Variants in ZNF587 observed in about 807,000 individuals in gnomAD.
ZNF587 encodes the protein zinc finger protein zfp6.
A neutral mutation model predicts 7.5 loss-of-function variants in ZNF587; 8 were observed. The observed-to-expected ratio is 1.06, with a 90% confidence interval of 0.62 to 1.92. The LOEUF is 1.92. ZNF587 is among the 40% of genes most tolerant of loss of function. The probability of loss-of-function intolerance (pLI) is 0.00; values close to 1 mark genes in which losing one functional copy is unlikely to be tolerated. For missense variants in ZNF587, 468 were observed against 692.8 expected (o/e 0.68, Z 3.64); for synonymous variants, 145 against 237.8 (o/e 0.61, Z 3.59).
chr19:57,855,729 T>C (rs998520134), intron 1 of ZNF587, among the ~76,000 whole-genome samples: 9 of 151,894 alleles, frequency 5.9e-5, no homozygotes, highest in Middle Eastern at 3.2e-3. Flanking sequence ...GCCCGGCTAA[T>C]TTTTTGTATT....
At chr19:57,851,009 C>T (rs1239860657) in intron 1 of ZNF587, 2 of 153,198 alleles carry the variant, frequency 1.3e-5, no homozygotes, top group African/African-American at 4.8e-5. Flanking sequence ...GTGTGATCTC[C>T]CTGAGCAACC....
chr19:57,864,491 A>C lies in ZNF587; in HGVS notation c.*4351A>C, dbSNP rs530320387. 1.3e-5 allele frequency: 2 copies of C among 152,214 alleles called. No homozygotes were observed. The highest frequency in any genetic ancestry group is 1.3e-4 in the Admixed American group (2 of 15,278). The allele number at this position is 152,214 out of a possible 1,614,324, so 9.4% of individuals were successfully genotyped here. A position where few individuals can be genotyped will look rare whatever the true frequency, so the allele number is the denominator to read the frequency against. On this transcript the variant is annotated 3_prime_UTR_variant, in exon 3 of 3. Coordinates refer to ENST00000339656, the MANE Select transcript of ZNF587 (RefSeq NM_032828.4). ...GGCACCTAAAGGCATGGCACTTGAG[A>C]AATGTGAATAAGATTGTAAGTTACA...
intron 1 of ZNF587, among the ~76,000 whole-genome samples, chr19:57,853,102 C>T (rs1299460802): frequency 6.6e-6 from 1 of 152,082 alleles, no homozygotes; most frequent in Non-Finnish European, 1.5e-5. Context: ...ATTCGCTGGC[C>T]TCTGCCTCCC....
rs201916730 is a variant in ZNF587 at position 57,859,460 on chromosome 19, A to C, written c.1048A>C (p.Arg350=). Residue 350 remains arginine, a synonymous_variant, in exon 3 of 3, where the codon AGA becomes CGA. Transcript: ENST00000339656. ...IQHQQGHTGE[R]AYHCGECGKS... is the part of the protein sequence containing the mutation. ...ACATCAGCAAGGTCACACTGGAGAG[A>C]GAGCTTATCACTGTGGGGAATGTGG... 6.2e-6 allele frequency: 10 copies of C among 1,612,416 alleles called. No homozygotes were observed. The highest frequency in any genetic ancestry group is 4.5e-5 in the East Asian group (2 of 44,878).
chr19:57,858,452 C>T, intron 2 of ZNF587, 124 bp from the exon 3 acceptor site: 4 of 1,470,200 alleles, frequency 2.7e-6, no homozygotes, highest in Non-Finnish European at 2.7e-6. Context: ...AACTTGAAGC[C>T]AACATTGTGT....
chr19:57,850,954 C>T (rs1333799503), intron 1 of ZNF587: 2 of 161,424 alleles, frequency 1.2e-5, no homozygotes, highest in Admixed American at 6.4e-5. Flanking sequence ...CTGCGGGTTT[C>T]AGGAGGAGCC....
intron 2 of ZNF587, among the ~76,000 whole-genome samples, chr19:57,856,512 G>A (rs552258543): frequency 5.3e-5 from 8 of 151,272 alleles, no homozygotes; most frequent in South Asian, 2.1e-4. Flanking sequence ...GGTTCATGCC[G>A]TTCTCCTGCC....
intron 1 of ZNF587, among the ~76,000 whole-genome samples, chr19:57,855,490 A>G (rs2071340662): frequency 6.6e-6 from 1 of 151,790 alleles, no homozygotes; most frequent in African/African-American, 2.4e-5. Flanking sequence ...AGGTTGTCTG[A>G]TGGACTCAGG....
intron 1 of ZNF587, among the ~76,000 whole-genome samples, chr19:57,855,673 G>A (rs1291467020): frequency 3.3e-5 from 5 of 150,546 alleles, no homozygotes; most frequent in South Asian, 2.1e-4. Flanking sequence ...GCCATTCTCC[G>A]GCCTCAGCCT....
rs552180246 is a variant in ZNF587 at position 57,864,579 on chromosome 19, A to G, written c.*4439A>G. On this transcript the variant is annotated 3_prime_UTR_variant, in exon 3 of 3. Coordinates refer to ENST00000339656, the MANE Select transcript of ZNF587 (RefSeq NM_032828.4). Reference sequence around the variant, plus strand: ...CCTAAATGTCACCTTGTATTACAGCATGTTATATAAGCACATACAGGCACA... The same window carrying G: ...CCTAAATGTCACCTTGTATTACAGCGTGTTATATAAGCACATACAGGCACA... 6.6e-6 allele frequency: 1 copy of G among 152,296 alleles called. No individual in the cohort carries two copies. The highest frequency in any genetic ancestry group is 1.9e-4 in the East Asian group (1 of 5,188). The allele number at this position is 152,296 out of a possible 1,614,324, so 9.4% of individuals were successfully genotyped here. A position where few individuals can be genotyped will look rare whatever the true frequency, so the allele number is the denominator to read the frequency against.
Position 57,859,693 on chromosome 19 carries a change from G to C in ZNF587, c.1281G>C (p.Gln427His), listed in dbSNP as rs534981021. The C allele has an allele frequency of 1.5e-5, 25 of 1,613,870 alleles. No homozygotes were observed. In the Admixed American group the frequency reaches 3.2e-4, roughly 20 times the overall value. ...FRYRSHLTEHQRLHTGERPYN... is the reference protein window; with the variant it reads ...FRYRSHLTEHHRLHTGERPYN... Reference sequence around the variant, plus strand: ...ACAGATCCCACCTCACTGAACACCAGAGACTTCACACTGGGGAAAGACCTT... The same window carrying C: ...ACAGATCCCACCTCACTGAACACCACAGACTTCACACTGGGGAAAGACCTT... The change falls in exon 3 of 3, where the codon CAG (glutamine) becomes CAC (histidine). Residue 427 changes from glutamine (Q) to histidine (H), a missense_variant. Around this residue, in one of 5 missense-constraint regions of ZNF587, gnomAD observed 310 missense variants for 325.6 expected, o/e 0.95. Transcript: ENST00000339656.
At chr19:57,855,944 A>G in intron 1 of ZNF587, 160 bp from the exon 2 acceptor site, 1 of 1,272,384 alleles carries the variant, frequency 7.9e-7, no homozygotes, top group Non-Finnish European at 1.1e-6. Context: ...ATGGCATTTG[A>G]CCAGCAGGCC....
In ZNF587 at chr19:57,860,330, GC is replaced by G; in HGVS notation, c.*191del. 1 of 1,126,658 alleles carries G rather than the reference GC, an allele frequency of 8.9e-7. No individual in the cohort carries two copies. The highest frequency in any genetic ancestry group is 1.3e-6 in the Non-Finnish European group (1 of 794,216). 69.8% of individuals were successfully genotyped at this position (1,126,658 alleles called of 1,614,324 possible). A position where few individuals can be genotyped will look rare whatever the true frequency, so the allele number is the denominator to read the frequency against. ...GTCACCCAGGCTGGAGTGCAGTGGT[GC>G]AGTCTTGGCTCGCTGCAACTTGGGC... is the stretch of plus-strand genomic sequence containing the variant. On this transcript the variant is annotated 3_prime_UTR_variant, in exon 3 of 3. Coordinates refer to ENST00000339656, the MANE Select transcript of ZNF587 (RefSeq NM_032828.4).
Position 57,862,075 on chromosome 19 carries a change from AAT to A in ZNF587, c.*1937_*1938del, listed in dbSNP as rs1372382108. ...AGGTGTCAGCCACTGTACCTGGCTG[AAT>A]ACTTGGTTTTCAGTACCACAAGAAC... On this transcript the variant is annotated 3_prime_UTR_variant, in exon 3 of 3. Transcript: ENST00000339656. 1 of 152,120 alleles carries A rather than the reference AAT, an allele frequency of 6.6e-6. No individual in the cohort carries two copies. The highest frequency in any genetic ancestry group is 1.5e-5 in the Non-Finnish European group (1 of 68,016). 9.4% of individuals were successfully genotyped at this position (152,120 alleles called of 1,614,324 possible).
Position 57,850,000 on chromosome 19 carries a change from C to T in ZNF587, c.-39C>T, listed in dbSNP as rs754205261. On this transcript the variant is annotated 5_prime_UTR_variant, in exon 1 of 3. Coordinates refer to ENST00000339656, the MANE Select transcript of ZNF587 (RefSeq NM_032828.4). ...AGGCGGCTCTGCAGCCCCGTGACGG[C>T]GACCACTGCTCCCGGGCCGTGCTTC... 6.8e-6 allele frequency: 11 copies of T among 1,614,124 alleles called. No homozygotes were observed. Among genetic ancestry groups the T allele is most frequent in the South Asian group, 2.2e-5 (2 of 91,078 alleles).
chr19:57,856,687 C>T lies in ZNF587; in HGVS notation c.163+454C>T, dbSNP rs558616557. On this transcript the variant is annotated intron_variant, in intron 2 of 2. Coordinates refer to ENST00000339656, the MANE Select transcript of ZNF587 (RefSeq NM_032828.4). ...CCTCCCAAAGTGCTGGGATTATAGGCGTGAGCCACCACGCCCAGCCACCTT... is the reference window on the plus strand; with the variant it reads ...CCTCCCAAAGTGCTGGGATTATAGGTGTGAGCCACCACGCCCAGCCACCTT... Among the ~76,000 whole-genome samples, 11 of 151,342 alleles carry T rather than the reference C, an allele frequency of 7.3e-5. No individual in the cohort carries two copies. In the East Asian group the frequency reaches 1.2e-3, roughly 16 times the overall value.
In ZNF587 at chr19:57,859,546, G is replaced by A; in HGVS notation, c.1134G>A (p.Arg378=). The change falls in exon 3 of 3, where the codon AGG becomes AGA. Residue 378 remains arginine, a synonymous_variant. Coordinates refer to ENST00000339656, the MANE Select transcript of ZNF587 (RefSeq NM_032828.4). Reference sequence around the variant, plus strand: ...ATCAGCGTGTTCACACTGGAGAAAGGCCTTACAAGTGTGGAGAATGTGGGA... The same window carrying A: ...ATCAGCGTGTTCACACTGGAGAAAGACCTTACAAGTGTGGAGAATGTGGGA... ...INHQRVHTGE[R]PYKCGECGKS... 1 of 1,613,906 alleles carries A rather than the reference G, an allele frequency of 6.2e-7. No homozygotes were observed. The highest frequency in any genetic ancestry group is 8.5e-7 in the Non-Finnish European group (1 of 1,179,956).
rs1310038001 is a variant in ZNF587 at position 57,863,533 on chromosome 19, G to A, written c.*3393G>A. 1.3e-5 allele frequency: 2 copies of A among 152,198 alleles called. No individual in the cohort carries two copies. Among genetic ancestry groups the A allele is most frequent in the Non-Finnish European group, 2.9e-5 (2 of 68,062 alleles). 9.4% of individuals were successfully genotyped at this position (152,198 alleles called of 1,614,324 possible). Reference sequence around the variant, plus strand: ...CAAAGTGCTGGGATTATAGGCGTGAGCCAACACGCCCTGGCCACTTCTTGT... The same window carrying A: ...CAAAGTGCTGGGATTATAGGCGTGAACCAACACGCCCTGGCCACTTCTTGT... On this transcript the variant is annotated 3_prime_UTR_variant, in exon 3 of 3. Coordinates refer to ENST00000339656, the MANE Select transcript of ZNF587 (RefSeq NM_032828.4).
chr19:57,850,364 A>T (rs1429263355), intron 1 of ZNF587: 1 of 596,010 alleles, frequency 1.7e-6, no homozygotes, highest in East Asian at 2.8e-5. Context: ...CTCCCTGAGC[A>T]TTCTGGGATC....
Sources: allele counts gnomAD v4.1 joint callset (sites outside exome capture counted in the v4.1 genomes callset), GRCh38; gene constraint gnomAD v4.1.1; regional missense constraint gnomAD v4.1.1; transcripts MANE v1.5; gene names NCBI Gene and HGNC (gene_info 2026-07-23, HGNC 2026-07-21).